Variants in IKZF3 observed in about 807,000 individuals in gnomAD.
The protein encoded by IKZF3 is zinc finger protein Aiolos.
Under a neutral mutation model 49.0 loss-of-function variants are expected in IKZF3, and 10 were observed. The ratio of observed to expected loss-of-function variants is 0.20; its 90% confidence interval spans 0.13 to 0.35. The LOEUF is 0.35. IKZF3 is among the 10% of genes least tolerant of loss of function. The pLI is 1.00. For synonymous variants in IKZF3, 209 were observed against 228.2 expected (o/e 0.92, Z 0.76); for missense variants, 498 against 664.8 (o/e 0.75, Z 2.76).
chr17:39,823,329 G>T (rs2144221889), intron 3 of IKZF3, among the ~76,000 whole-genome samples: 1 of 152,236 alleles, frequency 6.6e-6, no homozygotes, highest in Non-Finnish European at 1.5e-5. Context: ...ATGATTTAAG[G>T]TATCTGGTGG....
chr17:39,864,226 C>T lies in IKZF3; in HGVS notation c.-100G>A. On this transcript the variant is annotated 5_prime_UTR_variant, in exon 1 of 8. Transcript: ENST00000346872. ...TCAGCGCGCAGCTGGCGGGAGATTC[C>T]CGGCGCGGGGAGTCCCCGGGATCCG... The T allele has an allele frequency of 7.0e-7, 1 of 1,423,870 alleles. No homozygotes were observed. Among genetic ancestry groups the T allele is most frequent in the South Asian group, 1.3e-5 (1 of 78,102 alleles). 88.2% of individuals were successfully genotyped at this position (1,423,870 alleles called of 1,614,324 possible).
At position 39,764,552 on chromosome 17, in the gene IKZF3, A is replaced by C. The variant is rs2060247586; in HGVS notation, c.*1238T>G. 1 of 152,096 alleles carries C rather than the reference A, an allele frequency of 6.6e-6. No homozygotes were observed. The highest frequency in any genetic ancestry group is 1.5e-5 in the Non-Finnish European group (1 of 68,036). 9.4% of individuals were successfully genotyped at this position (152,096 alleles called of 1,614,324 possible). On this transcript the variant is annotated 3_prime_UTR_variant, in exon 8 of 8. Transcript: ENST00000346872. Reference sequence around the variant, plus strand: ...TTTTGTGACCTCCTATTCCAGTGCTAATTTTACCATGATAACAGCACTCCT... The same window carrying C: ...TTTTGTGACCTCCTATTCCAGTGCTCATTTTACCATGATAACAGCACTCCT...
At chr17:39,774,373 G>A (rs2060524232) in intron 7 of IKZF3, among the ~76,000 whole-genome samples, 1 of 152,210 alleles carries the variant, frequency 6.6e-6, no homozygotes, top group East Asian at 1.9e-4. Context: ...GAGAAGAGAA[G>A]GGAGGAGAGG....
At chr17:39,825,070 G>A (rs1230942529) in intron 3 of IKZF3, among the ~76,000 whole-genome samples, 1 of 152,132 alleles carries the variant, frequency 6.6e-6, no homozygotes, top group East Asian at 1.9e-4. Flanking sequence ...GTGAAAAGCT[G>A]CCTTCTGCCA....
chr17:39,864,141 G>T lies in IKZF3; in HGVS notation c.-15C>A. 1 of 1,612,088 alleles carries T rather than the reference G, an allele frequency of 6.2e-7. No homozygotes were observed. On this transcript the variant is annotated 5_prime_UTR_variant, in exon 1 of 8. Coordinates refer to ENST00000346872, the MANE Select transcript of IKZF3 (RefSeq NM_012481.5). Reference sequence around the variant, plus strand: ...TCACCTTCCATGTCGCTGCCGGGCCGGGCTGGAGCTGCCGCTGTGGCTACT... The same window carrying T: ...TCACCTTCCATGTCGCTGCCGGGCCTGGCTGGAGCTGCCGCTGTGGCTACT...
intron 1 of IKZF3, among the ~76,000 whole-genome samples, chr17:39,851,570 T>C (rs1006590272): frequency 6.6e-6 from 1 of 152,116 alleles, no homozygotes; most frequent in African/African-American, 2.4e-5. Context: ...GAAAAGCATA[T>C]ATTGTAAAAT....
intron 1 of IKZF3, among the ~76,000 whole-genome samples, chr17:39,852,295 C>T (rs868289956): frequency 3.9e-5 from 6 of 152,130 alleles, no homozygotes; most frequent in Admixed American, 2.6e-4. Flanking sequence ...CTGTAATCAA[C>T]GTTTCTACTT....
intron 1 of IKZF3, among the ~76,000 whole-genome samples, chr17:39,852,970 C>CA (rs202130396): frequency 0.027 from 4,083 of 151,460 alleles, 79 homozygotes; most frequent in Non-Finnish European, 0.041. Context: ...GACTACATCT[C>CA]AAAAAAAACA....
At chr17:39,801,715 T>C (rs887115263) in intron 3 of IKZF3, among the ~76,000 whole-genome samples, 2 of 152,214 alleles carry the variant, frequency 1.3e-5, no homozygotes, top group Admixed American at 6.5e-5. Flanking sequence ...AAACCGATGA[T>C]ATTTTTAGAA....
At chr17:39,841,008 C>A (rs781373589) in intron 1 of IKZF3, among the ~76,000 whole-genome samples, 1 of 152,054 alleles carries the variant, frequency 6.6e-6, no homozygotes, top group African/African-American at 2.4e-5. Context: ...GAAACCCCAT[C>A]TCTACGAAAA....
chr17:39,797,244 A>G (rs1476647010), intron 3 of IKZF3, among the ~76,000 whole-genome samples: 2 of 151,836 alleles, frequency 1.3e-5, no homozygotes, highest in Non-Finnish European at 2.9e-5. Flanking sequence ...TCTCTGTAAT[A>G]TGGCTTCCGC....
At chr17:39,847,226 T>C (rs2062659676) in intron 1 of IKZF3, among the ~76,000 whole-genome samples, 3 of 152,156 alleles carry the variant, frequency 2.0e-5, no homozygotes, top group Admixed American at 1.3e-4. Context: ...CCATCATATA[T>C]AATCATTCCT....
At chr17:39,836,934 C>T (rs1238800702) in intron 1 of IKZF3, among the ~76,000 whole-genome samples, 3 of 151,788 alleles carry the variant, frequency 2.0e-5, no homozygotes, top group Non-Finnish European at 4.4e-5. Context: ...TTTCTGGTGC[C>T]TTTTTTTTCT....
At chr17:39,847,624 G>A (rs983730907) in intron 1 of IKZF3, among the ~76,000 whole-genome samples, 1 of 152,012 alleles carries the variant, frequency 6.6e-6, no homozygotes, top group African/African-American at 2.4e-5. Flanking sequence ...TTCTGAACCC[G>A]TTTTTGTTTG....
intron 3 of IKZF3, among the ~76,000 whole-genome samples, chr17:39,815,691 G>C (rs1219066379): frequency 6.6e-6 from 1 of 152,164 alleles, no homozygotes; most frequent in Non-Finnish European, 1.5e-5. Flanking sequence ...AAGACTTGGG[G>C]ATCTCTGGGT....
chr17:39,812,363 G>T (rs1226415542), intron 3 of IKZF3, among the ~76,000 whole-genome samples: 1 of 152,118 alleles, frequency 6.6e-6, no homozygotes, highest in East Asian at 1.9e-4. Flanking sequence ...GATGAGCCAG[G>T]ACAGGATTTT....
chr17:39,763,334 C>T lies in IKZF3; in HGVS notation c.*2456G>A, dbSNP rs1463301709. 3.9e-5 allele frequency: 6 copies of T among 152,150 alleles called. No individual in the cohort carries two copies. The East Asian group carries it at 5.8e-4, about 15-fold the overall frequency. The allele number at this position is 152,150 out of a possible 1,614,324, so 9.4% of individuals were successfully genotyped here. On this transcript the variant is annotated 3_prime_UTR_variant, in exon 8 of 8. Transcript: ENST00000346872. ...AGACGAGTTGAGTTGGAGCCGAATG[C>T]ATAAGCCCCTTAGAAATAAAACACT...
At chr17:39,814,315 C>T (rs1425491946) in intron 3 of IKZF3, among the ~76,000 whole-genome samples, 1 of 152,062 alleles carries the variant, frequency 6.6e-6, no homozygotes. Flanking sequence ...AGGCAAGACC[C>T]ATAGCTTGTA....
rs1224064568 is a variant in IKZF3, at chr17:39,757,852, C to A, written c.*7938G>T. On this transcript the variant is annotated 3_prime_UTR_variant, in exon 8 of 8. Coordinates refer to ENST00000346872, the MANE Select transcript of IKZF3 (RefSeq NM_012481.5). ...TTGTTACATTTCAGAAGCTGACTTT[C>A]TTTAAACCATCTTTACAGAGGAGTA... 6.6e-6 allele frequency: 1 copy of A among 152,218 alleles called. No homozygotes were observed. Among genetic ancestry groups the A allele is most frequent in the Non-Finnish European group, 1.5e-5 (1 of 68,044 alleles). The allele number at this position is 152,218 out of a possible 1,614,324, so 9.4% of individuals were successfully genotyped here.
Sources: allele counts gnomAD v4.1 joint callset (sites outside exome capture counted in the v4.1 genomes callset), GRCh38; gene constraint gnomAD v4.1.1; transcripts MANE v1.5; gene names NCBI Gene and HGNC (gene_info 2026-07-23, HGNC 2026-07-21).